Variants in MAEL observed in about 807,000 individuals in gnomAD.
MAEL encodes the protein maelstrom spermatogenic transposon silencer.
Under a neutral mutation model 62.0 loss-of-function variants are expected in MAEL, and 46 were observed. The ratio of observed to expected loss-of-function variants is 0.74; its 90% CI spans 0.59 to 0.95. The LOEUF (loss-of-function observed/expected upper bound fraction) is 0.95. Ranked by LOEUF, MAEL falls within the 40% of genes least tolerant of loss-of-function variation. The probability of loss-of-function intolerance (pLI) is 0.00; values close to 1 mark genes in which losing one functional copy is unlikely to be tolerated. For missense variants in MAEL, 497 were observed against 526.8 expected (o/e 0.94, Z 0.55); for synonymous variants, 172 against 175.5 (o/e 0.98, Z 0.16).
At chr1:166,976,165 G>A (rs979408398) in intron 1 of MAEL, among the ~76,000 whole-genome samples, 2 of 152,216 alleles carry the variant, frequency 1.3e-5, no homozygotes, top group African/African-American at 4.8e-5. Flanking sequence ...ACCAGAATGA[G>A]ATAAATGATT....
chr1:167,006,822 G>A (rs1266931355), intron 8 of MAEL, among the ~76,000 whole-genome samples: 1 of 151,496 alleles, frequency 6.6e-6, no homozygotes, highest in Non-Finnish European at 1.5e-5. Context: ...TTTTAGTAGA[G>A]ATGTGGTTTC....
chr1:166,991,495 T>C lies in MAEL; in HGVS notation c.325+18T>C, dbSNP rs1229807369. On this transcript the variant is annotated intron_variant, in intron 3 of 11. Coordinates refer to ENST00000367872, the MANE Select transcript of MAEL (RefSeq NM_032858.3). ...TGATCAAGGTAGAGTAATCCTGAAATATTTTGCTGAGATAAATTTGAGTGC... is the reference window on the plus strand; with the variant it reads ...TGATCAAGGTAGAGTAATCCTGAAACATTTTGCTGAGATAAATTTGAGTGC... 6.6e-7 allele frequency: 1 copy of C among 1,514,196 alleles called. No individual in the cohort carries two copies. The highest frequency in any genetic ancestry group is 1.7e-5 in the Admixed American group (1 of 59,686). 93.8% of individuals were successfully genotyped at this position (1,514,196 alleles called of 1,614,324 possible). A position where few individuals can be genotyped will look rare whatever the true frequency, so the allele number is the denominator to read the frequency against.
At chr1:167,007,577 GTGTGTGTGTGTGTGTGTGTGTA>G in intron 8 of MAEL, among the ~76,000 whole-genome samples, 1 of 130,196 alleles carries the variant, frequency 7.7e-6, no homozygotes, top group South Asian at 2.4e-4. Context: ...GTGTGTGTGT[GTGTGTGTGTGTGTGTGTGTGTA>G]TGTACACACA....
intron 2 of MAEL, 161 bp downstream of exon 2, chr1:166,989,990 A>T (rs1028281638): frequency 1.6e-5 from 10 of 611,874 alleles, no homozygotes; most frequent in African/African-American, 3.7e-5. Flanking sequence ...AATGCCTGTT[A>T]AAAAAAACCA....
At position 167,004,296 on chromosome 1, in the gene MAEL, T is replaced by G; in HGVS notation, c.640T>G (p.Tyr214Asp). 6.3e-7 allele frequency: 1 copy of G among 1,593,140 alleles called. No homozygotes were observed. Residue 214 changes from tyrosine to aspartate, a missense_variant, in exon 6 of 12, where the codon TAC becomes GAC. By Grantham distance (160) the Tyr-to-Asp change is radical. Transcript: ENST00000367872. ...HPNPGNWPPI[Y>D]CKSDDRTRVN... ...CAACCCAGGGAACTGGCCACCTATC[T>G]ACTGCAAGGTAATTTCAGGTTAAGA...
chr1:166,981,546 G>A (rs1407740622), intron 1 of MAEL, among the ~76,000 whole-genome samples: 1 of 152,290 alleles, frequency 6.6e-6, no homozygotes, highest in East Asian at 1.9e-4. Flanking sequence ...GACAGGGCCT[G>A]TATTAGGACA....
At chr1:166,994,663 G>C (rs1196929650) in intron 5 of MAEL, among the ~76,000 whole-genome samples, 1 of 146,360 alleles carries the variant, frequency 6.8e-6, no homozygotes, top group African/African-American at 2.6e-5. Context: ...TGTCTGTAAG[G>C]TAATTTTTTT....
chr1:167,013,381 T>A (rs1665250794), intron 8 of MAEL, among the ~76,000 whole-genome samples: 2 of 152,166 alleles, frequency 1.3e-5, no homozygotes, highest in African/African-American at 4.8e-5. Flanking sequence ...CTTTTCAAAG[T>A]CTCAGTACCT....
At chr1:167,018,522 TA>T (rs1665490051) in intron 10 of MAEL, among the ~76,000 whole-genome samples, 1 of 152,152 alleles carries the variant, frequency 6.6e-6, no homozygotes, top group Admixed American at 6.6e-5. Flanking sequence ...ATTTTTTATG[TA>T]TTAAACAAGA....
At chr1:167,016,101 T>C (rs1665377821) in intron 8 of MAEL, 121 bp from the exon 9 acceptor site, 5 of 824,798 alleles carry the variant, frequency 6.1e-6, no homozygotes, top group Non-Finnish European at 1.0e-5. Flanking sequence ...TGTGTTAAAT[T>C]TGAAGTTTTA....
At chr1:166,987,533 A>G (rs1192178291), upstream of MAEL, among the ~76,000 whole-genome samples, 1 of 152,214 alleles carries the variant, frequency 6.6e-6, no homozygotes, top group Non-Finnish European at 1.5e-5. Context: ...GAAGAATGGA[A>G]TTGCTGGGTC....
At chr1:167,005,151 C>G (rs934096168) in intron 7 of MAEL, 21 bp downstream of exon 7, 2 of 1,613,042 alleles carry the variant, frequency 1.2e-6, no homozygotes, top group African/African-American at 2.7e-5. Context: ...CTCTGGGTTG[C>G]TGCAGAAGTG....
intron 6 of MAEL, among the ~76,000 whole-genome samples, 155 bp downstream of exon 6, chr1:167,004,459 C>T (rs1664806438): frequency 6.6e-6 from 1 of 151,848 alleles, no homozygotes; most frequent in African/African-American, 2.4e-5. Context: ...AGGTATAGTG[C>T]CTATTTTAAA....
chr1:167,016,777 T>C (rs1045928915), intron 9 of MAEL, among the ~76,000 whole-genome samples: 3 of 152,088 alleles, frequency 2.0e-5, no homozygotes, highest in African/African-American at 4.8e-5. Context: ...GTGGTACTTA[T>C]ACACAATAGA....
upstream of MAEL, chr1:166,989,166 A>C (rs1664031906): frequency 1.2e-6 from 1 of 807,004 alleles, no homozygotes; most frequent in South Asian, 1.8e-5. Context: ...AGGCGGCACG[A>C]GCCGGAATCT....
chr1:166,998,469 C>G (rs1243636758), intron 5 of MAEL, among the ~76,000 whole-genome samples: 1 of 152,080 alleles, frequency 6.6e-6, no homozygotes, highest in Admixed American at 6.5e-5. Context: ...GAGTTTTTAG[C>G]AGATTACTTA....
chr1:166,990,523 A>G (rs1664125829), intron 2 of MAEL: 1 of 152,182 alleles, frequency 6.6e-6, no homozygotes, highest in Non-Finnish European at 1.5e-5. Context: ...GCTGGGTGTG[A>G]TAGCAGACGC....
intron 9 of MAEL, among the ~76,000 whole-genome samples, chr1:167,016,922 C>A (rs1377997242): frequency 1.3e-5 from 2 of 151,928 alleles, no homozygotes; most frequent in African/African-American, 4.8e-5. Context: ...TTTGTGGAAT[C>A]TAAAAATCAA....
chr1:167,017,480 T>C (rs574155458), intron 9 of MAEL, among the ~76,000 whole-genome samples: 17 of 152,240 alleles, frequency 1.1e-4, no homozygotes, highest in African/African-American at 3.9e-4. Flanking sequence ...GTGGGTGATA[T>C]TAGTTCACAG....
Sources: allele counts gnomAD v4.1 joint callset (sites outside exome capture counted in the v4.1 genomes callset), GRCh38; gene constraint gnomAD v4.1.1; transcripts MANE v1.5; gene names NCBI Gene and HGNC (gene_info 2026-07-23, HGNC 2026-07-21).